MYH16: variants seen among roughly 807,000 people sequenced by gnomAD.
MYH16 encodes the protein putative uncharacterized protein MYH16.
intron 3 of MYH16, among the ~76,000 whole-genome samples, chr7:99,248,079 G>C (rs1791755709): frequency 6.6e-6 from 1 of 152,128 alleles, no homozygotes; most frequent in Non-Finnish European, 1.5e-5. Context: ...GATCTTTGCT[G>C]CATGTTATAG....
chr7:99,303,230 A>G (rs6973408), intron 39 of MYH16, 40 bp downstream of exon 20: 43,289 of 152,666 alleles, frequency 0.28, 11,435 homozygotes, highest in African/African-American at 0.71. Flanking sequence ...GGCAGGGCCT[A>G]GGCGCCTGCT....
chr7:99,286,429 T>A (rs1022956090), intron 27 of MYH16: 3 of 152,102 alleles, frequency 2.0e-5, no homozygotes, highest in Admixed American at 6.6e-5. Context: ...ATAAAAACTT[T>A]CATCCCAGGT....
At chr7:99,277,974 A>ACAGC (rs1792142433) in intron 21 of MYH16, among the ~76,000 whole-genome samples, 1 of 147,156 alleles carries the variant, frequency 6.8e-6, no homozygotes, top group Non-Finnish European at 1.5e-5. Flanking sequence ...AGACAGACAG[A>ACAGC]CAGCGACATG....
chr7:99,268,966 C>T (rs1056835473), intron 18 of MYH16, among the ~76,000 whole-genome samples: 8 of 152,108 alleles, frequency 5.3e-5, no homozygotes, highest in Non-Finnish European at 7.3e-5. Flanking sequence ...GCATTCTGTC[C>T]GGACAGGAGG....
intron 33 of MYH16, among the ~76,000 whole-genome samples, chr7:99,294,525 GAA>G (rs1296367878): frequency 1.2e-5 from 1 of 84,314 alleles, no homozygotes; most frequent in Non-Finnish European, 2.3e-5. Flanking sequence ...AAAAAAAAAA[GAA>G]AAAGAAAAAG....
intron 36 of MYH16, among the ~76,000 whole-genome samples, chr7:99,299,080 T>A (rs947719509): frequency 1.9e-4 from 24 of 124,412 alleles, no homozygotes; most frequent in African/African-American, 4.7e-4. Context: ...AAATAAAAAA[T>A]AAAAATAAAA....
chr7:99,310,327 A>C (rs1340757656), downstream of MYH16, among the ~76,000 whole-genome samples: 1 of 152,196 alleles, frequency 6.6e-6, no homozygotes, highest in East Asian at 1.9e-4. Context: ...CATAAACTCC[A>C]TAAGGAAACC....
intron 1 of MYH16, among the ~76,000 whole-genome samples, chr7:99,241,309 A>T (rs1181043334): frequency 6.6e-6 from 1 of 152,196 alleles, no homozygotes; most frequent in Non-Finnish European, 1.5e-5. Flanking sequence ...GAGGCCAGGC[A>T]TGGTGGGTCA....
At chr7:99,260,071 G>GT in intron 11 of MYH16, 1 of 1,141,038 alleles carries the variant, frequency 8.8e-7, no homozygotes, top group Non-Finnish European at 1.2e-6. Context: ...CCTCTGCAAA[G>GT]TTTTGCTTTG....
At chr7:99,277,150 CAGT>C (rs1335389860) in intron 20 of MYH16, among the ~76,000 whole-genome samples, 36 of 152,062 alleles carry the variant, frequency 2.4e-4, no homozygotes, top group African/African-American at 8.2e-4. Context: ...TGGGAGGACT[CAGT>C]AGGGAAGGAA....
exon 22 of MYH16, chr7:99,279,631 C>CA: frequency 2.2e-6 from 1 of 456,604 alleles, no homozygotes; most frequent in Admixed American, 2.3e-5. Flanking sequence ...GGCATGGCGG[C>CA]CTCACTGAGT....
chr7:99,277,967 C>G (rs1046326958), intron 21 of MYH16, among the ~76,000 whole-genome samples: 11 of 143,260 alleles, frequency 7.7e-5, no homozygotes, highest in Admixed American at 3.7e-4. Flanking sequence ...GACAGACAGA[C>G]AGACAGACAG....
At chr7:99,292,092 G>A (rs1355706418) in intron 31 of MYH16, among the ~76,000 whole-genome samples, 2 of 152,354 alleles carry the variant, frequency 1.3e-5, no homozygotes, top group Admixed American at 6.5e-5. Flanking sequence ...AGTATGTGAT[G>A]TGTATAACTA....
chr7:99,251,734 C>T (rs1339892754), intron 6 of MYH16, among the ~76,000 whole-genome samples: 1 of 152,156 alleles, frequency 6.6e-6, no homozygotes, highest in Non-Finnish European at 1.5e-5. Flanking sequence ...CTTTGGGAAG[C>T]CAAGGCAGGA....
At chr7:99,292,388 A>C (rs1487657428) in exon 32 of MYH16, 3 of 457,048 alleles carry the variant, frequency 6.6e-6, no homozygotes, top group Non-Finnish European at 1.3e-5. Context: ...CTGGAGGAGG[A>C]GCAGGGAGGC....
intron 33 of MYH16, among the ~76,000 whole-genome samples, chr7:99,296,484 T>A (rs1792494445): frequency 1.3e-5 from 2 of 152,070 alleles, no homozygotes; most frequent in East Asian, 3.9e-4. Flanking sequence ...AGGCCACACA[T>A]CTCTCGGGGG....
chr7:99,259,661 A>C (rs1367597503), intron 11 of MYH16, among the ~76,000 whole-genome samples: 1 of 151,036 alleles, frequency 6.6e-6, no homozygotes, highest in Non-Finnish European at 1.5e-5. Flanking sequence ...TTTTACCATG[A>C]TGACCAGGCT....
At chr7:99,244,549 T>C (rs1306866513) in intron 2 of MYH16, among the ~76,000 whole-genome samples, 1 of 152,050 alleles carries the variant, frequency 6.6e-6, no homozygotes, top group East Asian at 1.9e-4. Flanking sequence ...CTGCTGGGGG[T>C]TCCCCTTCCC....
Position 99,275,130 on chromosome 7 carries a change from A to G in MYH16, n.2485+1707A>G, listed in dbSNP as rs146898793. On this transcript the variant is annotated intron_variant and non_coding_transcript_variant, in intron 20 of 41. Coordinates refer to ENST00000439784, the Ensembl canonical transcript of MYH16. ...CACCTCAGCCTCCCGAATAGCTCAG[A>G]CTATAGGTGTGTGCCACCATGCCCA... Among the ~76,000 whole-genome samples the G allele has an allele frequency of 4.4e-3, 674 of 152,158 alleles. 7 individuals are homozygous for G. Among genetic ancestry groups the G allele is most frequent in the South Asian group, 0.016 (75 of 4,818 alleles).
Sources: gnomAD v4.1 joint callset for allele counts (sites outside exome capture counted in the v4.1 genomes callset) on GRCh38, gnomAD v4.1.1 for gene constraint, MANE v1.5 for transcripts, NCBI Gene and HGNC (gene_info 2026-07-23, HGNC 2026-07-21) for gene names.